Variants in ZCCHC17 observed in about 807,000 individuals in gnomAD.
The protein encoded by ZCCHC17 is zinc finger CCHC-type containing 17, also known as zinc finger CCHC domain-containing protein 17.
In ZCCHC17, 18 loss-of-function variants were observed where a neutral mutation model predicts 30.6. The ratio of observed to expected loss-of-function variants is 0.59; its 90% CI spans 0.41 to 0.87. ZCCHC17 has a LOEUF of 0.87. Ranked by LOEUF, ZCCHC17 falls within the 40% of genes least tolerant of loss-of-function variation. The pLI, the probability that ZCCHC17 is intolerant of heterozygous loss-of-function variation, is 0.00. For missense variants in ZCCHC17, 263 were observed against 284.2 expected (o/e 0.93, Z 0.54); for synonymous variants, 88 against 92.4 (o/e 0.95, Z 0.27).
intron 6 of ZCCHC17, among the ~76,000 whole-genome samples, chr1:31,347,165 G>A (rs1639306212): frequency 6.6e-6 from 1 of 152,206 alleles, no homozygotes; most frequent in Non-Finnish European, 1.5e-5. Flanking sequence ...TAATGTCAGA[G>A]TTCTGAATAC....
At chr1:31,316,994 G>C (rs1011431163) in intron 2 of ZCCHC17, among the ~76,000 whole-genome samples, 1 of 151,794 alleles carries the variant, frequency 6.6e-6, no homozygotes, top group South Asian at 2.1e-4. Flanking sequence ...AGGGAGTCAA[G>C]GGACCGAGGT....
chr1:31,352,430 C>T (rs1160714085), intron 7 of ZCCHC17, among the ~76,000 whole-genome samples: 1 of 152,128 alleles, frequency 6.6e-6, no homozygotes, highest in Admixed American at 6.6e-5. Context: ...AGTTCATCTG[C>T]ATCATAGCAT....
At chr1:31,311,566 G>C (rs571004089) in intron 2 of ZCCHC17, among the ~76,000 whole-genome samples, 21 of 152,250 alleles carry the variant, frequency 1.4e-4, no homozygotes, top group African/African-American at 4.8e-4. Flanking sequence ...GTTGTCAGCA[G>C]ATTTGGTGTC....
At chr1:31,310,224 A>C in intron 2 of ZCCHC17, 60 bp downstream of exon 2, 2 of 1,572,018 alleles carry the variant, frequency 1.3e-6, no homozygotes, top group South Asian at 1.1e-5. Context: ...AAGGGTGACA[A>C]CTGGGTTTGT....
chr1:31,351,635 C>G (rs1257734397), intron 7 of ZCCHC17, among the ~76,000 whole-genome samples: 3 of 152,070 alleles, frequency 2.0e-5, no homozygotes, highest in Non-Finnish European at 2.9e-5. Context: ...CTCAGCTACT[C>G]AGGAGGCTGA....
chr1:31,323,432 C>T (rs1428601394), intron 3 of ZCCHC17, among the ~76,000 whole-genome samples: 1 of 152,186 alleles, frequency 6.6e-6, no homozygotes, highest in African/African-American at 2.4e-5. Flanking sequence ...CGCCATTCTC[C>T]TGTCTCAGCC....
At chr1:31,308,022 C>T (rs1202715658) in intron 1 of ZCCHC17, among the ~76,000 whole-genome samples, 3 of 152,168 alleles carry the variant, frequency 2.0e-5, no homozygotes, top group Non-Finnish European at 4.4e-5. Context: ...CTGATAGAAC[C>T]TGATAGATTA....
intron 3 of ZCCHC17, among the ~76,000 whole-genome samples, chr1:31,328,783 A>G (rs1042195977): frequency 1.3e-5 from 2 of 151,992 alleles, no homozygotes; most frequent in Non-Finnish European, 2.9e-5. Flanking sequence ...TACAAATCTC[A>G]TGTATGGGAG....
At chr1:31,298,649 T>A (rs1646232052) in intron 1 of ZCCHC17, among the ~76,000 whole-genome samples, 1 of 152,200 alleles carries the variant, frequency 6.6e-6, no homozygotes, top group Non-Finnish European at 1.5e-5. Flanking sequence ...CCTCCCAAAA[T>A]TCTGGGATTA....
chr1:31,326,237 TGTACATGG>T (rs1248183226), intron 3 of ZCCHC17, among the ~76,000 whole-genome samples: 1 of 152,124 alleles, frequency 6.6e-6, no homozygotes, highest in Non-Finnish European at 1.5e-5. Flanking sequence ...AAGGAAGGGA[TGTACATGG>T]AAGAGGGACT....
In ZCCHC17 at chr1:31,364,828, G is replaced by GC. The variant is rs1640070718; in HGVS notation, c.*637dup. 6.6e-6 allele frequency: 1 copy of GC among 152,316 alleles called. No individual in the cohort carries two copies. The highest frequency in any genetic ancestry group is 1.5e-5 in the Non-Finnish European group (1 of 68,094). The allele number at this position is 152,316 out of a possible 1,614,324, so 9.4% of individuals were successfully genotyped here. On this transcript the variant is annotated 3_prime_UTR_variant, in exon 8 of 8. Coordinates refer to ENST00000344147, the MANE Select transcript of ZCCHC17 (RefSeq NM_016505.4). ...GCAGACCACTGAACCAGACAGCGAA[G>GC]CCAAGATCATTGTTCTACTTTGTAT...
chr1:31,361,566 T>C (rs1245854432), intron 7 of ZCCHC17, among the ~76,000 whole-genome samples: 1 of 152,200 alleles, frequency 6.6e-6, no homozygotes, highest in African/African-American at 2.4e-5. Context: ...TTCCAAAATT[T>C]GTTGTTCTAA....
chr1:31,357,324 T>C (rs957749765), intron 7 of ZCCHC17, among the ~76,000 whole-genome samples: 1 of 152,224 alleles, frequency 6.6e-6, no homozygotes, highest in African/African-American at 2.4e-5. Context: ...CGTTGCCCAG[T>C]GTTGCCTACT....
intron 7 of ZCCHC17, among the ~76,000 whole-genome samples, chr1:31,350,855 G>A (rs559008269): frequency 6.6e-6 from 1 of 152,102 alleles, no homozygotes; most frequent in Non-Finnish European, 1.5e-5. Flanking sequence ...GCCTGCCTTC[G>A]CCTCCCAAAG....
intron 3 of ZCCHC17, among the ~76,000 whole-genome samples, chr1:31,320,821 A>G (rs961735172): frequency 5.4e-4 from 82 of 152,312 alleles, no homozygotes; most frequent in African/African-American, 1.6e-3. Flanking sequence ...ACTGGGTCAT[A>G]TGATAACTCC....
At position 31,337,785 on chromosome 1, in the gene ZCCHC17, C is replaced by CA. The variant is rs139681054; in HGVS notation, c.225+511dup. Among the ~76,000 whole-genome samples the CA allele has an allele frequency of 5.8e-3, 881 of 152,194 alleles. 70 individuals carry two copies. In the East Asian group the frequency reaches 0.14, roughly 25 times the overall value. On this transcript the variant is annotated intron_variant, in intron 4 of 7. Coordinates refer to ENST00000344147, the MANE Select transcript of ZCCHC17 (RefSeq NM_016505.4). The stretch of plus-strand genomic sequence containing the variant: ...GAGGGCTGTGGGTGTGGGCCGACCA[C>CA]AGGAGAAATAAGAGCATACACTGAG...
At chr1:31,345,028 T>C (rs1359877169) in intron 5 of ZCCHC17, among the ~76,000 whole-genome samples, 1 of 151,614 alleles carries the variant, frequency 6.6e-6, no homozygotes, top group Non-Finnish European at 1.5e-5. Flanking sequence ...CTGGCTATTT[T>C]TTTTTTTTTT....
chr1:31,317,712 C>T (rs2148425686), intron 2 of ZCCHC17, among the ~76,000 whole-genome samples: 1 of 152,248 alleles, frequency 6.6e-6, no homozygotes, highest in East Asian at 1.9e-4. Flanking sequence ...AGGCCACGCT[C>T]CAGCCTCAGC....
chr1:31,335,347 A>G lies in ZCCHC17; in HGVS notation c.125-1828A>G, dbSNP rs375047756. ...GACAGACAGGAAAAGGATGTTTGCT[A>G]TAAGTGTTTTATTAAATGTTATTAA... On this transcript the variant is annotated intron_variant, in intron 3 of 7. Transcript: ENST00000344147. 8.5e-5 allele frequency among the ~76,000 whole-genome samples: 13 copies of G among 152,244 alleles called. No homozygotes were observed. In the East Asian group the frequency reaches 1.7e-3, roughly 20 times the overall value.
Sources: gnomAD v4.1 joint callset for allele counts (sites outside exome capture counted in the v4.1 genomes callset) on GRCh38, gnomAD v4.1.1 for gene constraint, MANE v1.5 for transcripts, NCBI Gene and HGNC (gene_info 2026-07-23, HGNC 2026-07-21) for gene names.